ANKFN1: variants seen among roughly 807,000 people sequenced by gnomAD.
ANKFN1 encodes ankyrin repeat and fibronectin type III domain containing 1.
ANKFN1 carries 74 observed loss-of-function variants against 108.7 expected under a neutral mutation model. The ratio of observed to expected loss-of-function variants is 0.68; its 90% confidence interval spans 0.56 to 0.83. ANKFN1 has a LOEUF of 0.83. Ranked by LOEUF, ANKFN1 falls within the 40% of genes least tolerant of loss-of-function variation. ANKFN1 has a pLI of 0.00. For missense variants in ANKFN1, 1,505 were observed against 1,382.3 expected (o/e 1.09, Z -1.41); for synonymous variants, 547 against 516.2 (o/e 1.06, Z -0.81).
intron 4 of ANKFN1, among the ~76,000 whole-genome samples, chr17:56,343,496 C>T (rs534716730): frequency 4.0e-5 from 6 of 151,808 alleles, no homozygotes; most frequent in South Asian, 2.1e-4. Context: ...TGTGATGAGT[C>T]TTTTCTCTCT....
intron 3 of ANKFN1, among the ~76,000 whole-genome samples, chr17:56,292,040 G>T (rs192685420): frequency 1.8e-3 from 281 of 152,246 alleles, no homozygotes; most frequent in Middle Eastern, 3.4e-3. Context: ...CATTTTAGTA[G>T]AGCATAGGAG....
rs571342909 is a variant in ANKFN1 at position 56,181,702 on chromosome 17, T to C, written c.-71+28172T>C. On this transcript the variant is annotated intron_variant, in intron 1 of 20. Coordinates refer to ENST00000682825, the MANE Select transcript of ANKFN1 (RefSeq NM_001370326.1). ...CATTACGTATGCATGTATGAATGCA[T>C]ATACACACATATGTCATATATGTAC... Among the ~76,000 whole-genome samples, 4 of 152,360 alleles carry C rather than the reference T, an allele frequency of 2.6e-5. No individual in the cohort carries two copies. In the East Asian group the frequency reaches 7.7e-4, roughly 29 times the overall value.
chr17:56,394,451 T>C (rs906027741), intron 8 of ANKFN1, among the ~76,000 whole-genome samples: 1 of 152,182 alleles, frequency 6.6e-6, no homozygotes, highest in Non-Finnish European at 1.5e-5. Context: ...TTTATTGCCA[T>C]GCAACTGTGA....
At chr17:56,278,211 A>C (rs908815077) in intron 3 of ANKFN1, among the ~76,000 whole-genome samples, 1 of 152,160 alleles carries the variant, frequency 6.6e-6, no homozygotes, top group Non-Finnish European at 1.5e-5. Context: ...CTCTTTGCCA[A>C]TCTCTCTTCC....
At chr17:56,361,473 G>A (rs2046515326) in intron 6 of ANKFN1, among the ~76,000 whole-genome samples, 1 of 152,038 alleles carries the variant, frequency 6.6e-6, no homozygotes, top group African/African-American at 2.4e-5. Flanking sequence ...GAGTCAGAGA[G>A]CTCTGGCTTC....
intron 8 of ANKFN1, among the ~76,000 whole-genome samples, chr17:56,400,978 T>C (rs1217677149): frequency 6.6e-6 from 1 of 152,198 alleles, no homozygotes; most frequent in Non-Finnish European, 1.5e-5. Context: ...CACGCTGTTT[T>C]GGTGACTATG....
rs530602783 is a variant in ANKFN1, at chr17:56,187,230, A to C, written c.-70-25368A>C. ...CCAGAATCTAAAAAGAACTTAAACA[A>C]ATTTGCAAGAAAAAATCAAACAACC... On this transcript the variant is annotated intron_variant, in intron 1 of 20. Coordinates refer to ENST00000682825, the MANE Select transcript of ANKFN1 (RefSeq NM_001370326.1). 1.4e-4 allele frequency among the ~76,000 whole-genome samples: 21 copies of C among 152,324 alleles called. No homozygotes were observed. In the South Asian group the frequency reaches 4.4e-3, roughly 32 times the overall value.
intron 8 of ANKFN1, among the ~76,000 whole-genome samples, chr17:56,426,162 C>T (rs2048562530): frequency 6.6e-6 from 1 of 152,198 alleles, no homozygotes; most frequent in Admixed American, 6.5e-5. Flanking sequence ...GGGCCAAGTA[C>T]CTTACTCCCA....
intron 1 of ANKFN1, among the ~76,000 whole-genome samples, chr17:56,176,590 A>T (rs1166718197): frequency 6.6e-6 from 1 of 152,176 alleles, no homozygotes; most frequent in Non-Finnish European, 1.5e-5. Flanking sequence ...TTGATCCCTT[A>T]TTTCGAATAT....
Position 56,353,895 on chromosome 17 carries a change from G to A in ANKFN1, c.450G>A (p.Val150=), listed in dbSNP as rs2046310685. The A allele has an allele frequency of 6.2e-7, 1 of 1,614,014 alleles. No homozygotes were observed. The highest frequency in any genetic ancestry group is 1.3e-5 in the African/African-American group (1 of 75,028). The change falls in exon 6 of 21, where the codon GTG becomes GTA. Residue 150 remains valine (V), a synonymous_variant. Coordinates refer to ENST00000682825, the MANE Select transcript of ANKFN1 (RefSeq NM_001370326.1). The part of the protein sequence containing the change: ...EAVEQQDMDA[V]QILLYQYTPE... The stretch of plus-strand genomic sequence containing the variant: ...TCGAACAGCAGGACATGGATGCTGT[G>A]CAGATCCTCCTGTATCAGTACACAC...
chr17:56,383,174 C>G (rs2047156683), intron 8 of ANKFN1, among the ~76,000 whole-genome samples: 2 of 152,152 alleles, frequency 1.3e-5, no homozygotes, highest in Admixed American at 1.3e-4. Flanking sequence ...GATTAAGAAA[C>G]TCACTCAAAA....
chr17:56,066,330 A>G (rs943056601), intron 4 of ANKFN1, among the ~76,000 whole-genome samples: 2 of 152,318 alleles, frequency 1.3e-5, no homozygotes, highest in East Asian at 3.9e-4. Context: ...AGTGCTCGGT[A>G]CCTATGCTGT....
Position 56,515,775 on chromosome 17 carries a change from G to T in ANKFN1, c.*4506G>T, listed in dbSNP as rs529260294. 6.6e-6 allele frequency among the ~76,000 whole-genome samples: 1 copy of T among 152,142 alleles called. No homozygotes were observed. Among genetic ancestry groups the T allele is most frequent in the Non-Finnish European group, 1.5e-5 (1 of 68,010 alleles). ...GGTCTCTGCTTTTTCCACTGCATCT[G>T]CACACAGTAGTTATATTTGTTTTTT... On this transcript the variant is annotated 3_prime_UTR_variant, in exon 21 of 21. Transcript: ENST00000682825.
At chr17:56,322,909 G>A (rs1419910936) in intron 3 of ANKFN1, among the ~76,000 whole-genome samples, 1 of 152,162 alleles carries the variant, frequency 6.6e-6, no homozygotes, top group Non-Finnish European at 1.5e-5. Context: ...TTGAATGGGA[G>A]CAATGCGCCC....
chr17:56,494,429 G>A (rs2051132724), intron 19 of ANKFN1, among the ~76,000 whole-genome samples: 2 of 152,076 alleles, frequency 1.3e-5, no homozygotes, highest in African/African-American at 4.8e-5. Context: ...CCATATAAAG[G>A]ATAGTGGAGC....
At chr17:56,295,148 G>C (rs1007567892) in intron 3 of ANKFN1, among the ~76,000 whole-genome samples, 2 of 152,160 alleles carry the variant, frequency 1.3e-5, no homozygotes, top group East Asian at 3.8e-4. Flanking sequence ...GGGAGTTAAG[G>C]GCTACAACTC....
chr17:56,117,667 G>A (rs1305357996), intron 4 of ANKFN1, among the ~76,000 whole-genome samples: 1 of 152,010 alleles, frequency 6.6e-6, no homozygotes, highest in Non-Finnish European at 1.5e-5. Flanking sequence ...AAGACAAATA[G>A]TATCCTAGGA....
chr17:56,361,273 A>T (rs1456401271), intron 6 of ANKFN1, among the ~76,000 whole-genome samples: 1 of 152,150 alleles, frequency 6.6e-6, no homozygotes, highest in African/African-American at 2.4e-5. Flanking sequence ...TAGCCCACCC[A>T]ACTAATCCCC....
chr17:56,087,713 C>G (rs1005766402), intron 4 of ANKFN1, among the ~76,000 whole-genome samples: 2 of 151,388 alleles, frequency 1.3e-5, no homozygotes, highest in African/African-American at 2.4e-5. Flanking sequence ...AGCACAGCCA[C>G]TGATCAAGAC....
Sources: gnomAD v4.1 joint callset for allele counts (sites outside exome capture counted in the v4.1 genomes callset) on GRCh38, gnomAD v4.1.1 for gene constraint, MANE v1.5 for transcripts, NCBI Gene and HGNC (gene_info 2026-07-23, HGNC 2026-07-21) for gene names.